Variants in CEP63 observed in about 807,000 individuals in gnomAD.
CEP63 encodes the protein centrosomal protein of 63 kDa.
A neutral mutation model predicts 89.1 loss-of-function variants in CEP63; 84 were observed. The observed-to-expected ratio is 0.94, with a 90% CI of 0.79 to 1.13. CEP63 has a LOEUF of 1.13. Among genes scored for constraint, CEP63 ranks in the 50% most tolerant of loss-of-function variants. The pLI, the probability that CEP63 is intolerant of heterozygous loss-of-function variation, is 0.00. For missense variants in CEP63, 838 were observed against 813.3 expected, an observed-to-expected ratio of 1.03 and a Z score of -0.37; for synonymous variants, 267 against 272.5, an observed-to-expected ratio of 0.98 and a Z score of 0.20.
At chr3:134,708,586 T>G in the CEP63 span, among the ~76,000 whole-genome samples, 6 of 152,366 alleles carry the variant, frequency 3.9e-5, no homozygotes, top group Admixed American at 3.3e-4. Context: ...TTTCTCCATA[T>G]TGTACTTCGT....
chr3:134,615,744 G>C, the CEP63 span, among the ~76,000 whole-genome samples: 1 of 152,198 alleles, frequency 6.6e-6, no homozygotes, highest in Non-Finnish European at 1.5e-5. Flanking sequence ...GTTATCCAAT[G>C]AATCTGCATC....
intron 9 of CEP63, among the ~76,000 whole-genome samples, 155 bp from the exon 10 acceptor site, chr3:134,548,907 A>G (rs1034056822): frequency 1.3e-5 from 2 of 152,054 alleles, no homozygotes; most frequent in African/African-American, 2.4e-5. Flanking sequence ...CAGTTTTTTT[A>G]TTGATTGGCT....
the CEP63 span, among the ~76,000 whole-genome samples, chr3:134,610,905 G>A: frequency 6.6e-6 from 1 of 152,214 alleles, no homozygotes; most frequent in African/African-American, 2.4e-5. Context: ...TGCTGGTTGT[G>A]AGGGTACAGA....
the CEP63 span, among the ~76,000 whole-genome samples, chr3:134,663,105 A>T: frequency 6.6e-6 from 1 of 152,176 alleles, no homozygotes; most frequent in Non-Finnish European, 1.5e-5. Flanking sequence ...CTCACTGCTA[A>T]TGCTTCAGCC....
At chr3:134,578,682 T>C (rs1958276695), downstream of CEP63, among the ~76,000 whole-genome samples, 1 of 152,212 alleles carries the variant, frequency 6.6e-6, no homozygotes. Context: ...TGAGCTTTTT[T>C]TCATGTTTGC....
intron 8 of CEP63, 112 bp from the exon 9 acceptor site, chr3:134,547,223 T>C: frequency 1.1e-6 from 1 of 938,476 alleles, no homozygotes. Flanking sequence ...GGAGACAAAC[T>C]TGAAGAGTTC....
At chr3:134,758,257 T>C in the CEP63 span, among the ~76,000 whole-genome samples, 4 of 152,224 alleles carry the variant, frequency 2.6e-5, no homozygotes, top group Non-Finnish European at 5.9e-5. Flanking sequence ...ACAGTACATA[T>C]GCAGTAAATA....
At chr3:134,695,476 T>C in the CEP63 span, among the ~76,000 whole-genome samples, 1 of 152,156 alleles carries the variant, frequency 6.6e-6, no homozygotes, top group Non-Finnish European at 1.5e-5. Flanking sequence ...CTTCCTTGCA[T>C]CAGAGACCCG....
At chr3:134,584,974 T>TTTTTTTTTTTTTTTTTTTTGG (rs1958451757) in intron 10 of CEP63, among the ~76,000 whole-genome samples, 1 of 149,470 alleles carries the variant, frequency 6.7e-6, no homozygotes, top group Admixed American at 6.7e-5. Context: ...TTTTTTTTTT[T>TTTTTTTTTTTTTTTTTTTTGG]GCATGGAGGT....
At chr3:134,730,004 G>A in the CEP63 span, among the ~76,000 whole-genome samples, 2 of 152,186 alleles carry the variant, frequency 1.3e-5, no homozygotes, top group Non-Finnish European at 2.9e-5. Context: ...AGGAGAGCAC[G>A]CATTTCTAAC....
the CEP63 span, among the ~76,000 whole-genome samples, chr3:134,772,755 A>C: frequency 6.6e-6 from 1 of 152,232 alleles, no homozygotes; most frequent in African/African-American, 2.4e-5. Context: ...TTGCAGGACA[A>C]GCCTGCAAGC....
chr3:134,604,136 C>T, the CEP63 span: 7 of 1,607,882 alleles, frequency 4.4e-6, no homozygotes, highest in African/African-American at 2.7e-5. Flanking sequence ...CAGCGCCCGT[C>T]GCTGGTGTGG....
At chr3:134,494,793 T>G (rs1939169994) in intron 1 of CEP63, among the ~76,000 whole-genome samples, 1 of 152,204 alleles carries the variant, frequency 6.6e-6, no homozygotes. Flanking sequence ...GGATGTTGCA[T>G]GCAGGAAGCT....
intron 5 of CEP63, 110 bp from the exon 6 acceptor site, chr3:134,537,045 G>C: frequency 1.3e-6 from 1 of 766,450 alleles, no homozygotes; most frequent in South Asian, 1.4e-5. Context: ...GTGGAGAAAG[G>C]TGCAAGCGTA....
chr3:134,691,806 G>A, the CEP63 span, among the ~76,000 whole-genome samples: 1 of 151,486 alleles, frequency 6.6e-6, no homozygotes, highest in Non-Finnish European at 1.5e-5. Context: ...TGCAACCTCT[G>A]CCTCCCGGGT....
chr3:134,576,883 T>TCTCAGGAAAAGCTGGCTG (rs1240781179), downstream of CEP63, among the ~76,000 whole-genome samples: 1 of 152,198 alleles, frequency 6.6e-6, no homozygotes, highest in African/African-American at 2.4e-5. Flanking sequence ...TTCACGGGCT[T>TCTCAGGAAAAGCTGGCTG]CTCAGGAAAA....
At chr3:134,737,516 A>C in the CEP63 span, among the ~76,000 whole-genome samples, 1 of 152,268 alleles carries the variant, frequency 6.6e-6, no homozygotes, top group Non-Finnish European at 1.5e-5. Context: ...GCAAGTGGTC[A>C]ATGCATGTAC....
the CEP63 span, among the ~76,000 whole-genome samples, chr3:134,767,380 A>G: frequency 2.0e-5 from 3 of 152,120 alleles, no homozygotes; most frequent in African/African-American, 4.8e-5. Flanking sequence ...TATTATAGAC[A>G]TTTACAATCA....
chr3:134,556,249 G>C (rs2110039429), intron 12 of CEP63, among the ~76,000 whole-genome samples: 1 of 151,910 alleles, frequency 6.6e-6, no homozygotes, highest in Non-Finnish European at 1.5e-5. Flanking sequence ...AAAAGCAATG[G>C]CAACAAAAGC....
Sources: allele counts gnomAD v4.1 joint callset (sites outside exome capture counted in the v4.1 genomes callset), GRCh38; gene constraint gnomAD v4.1.1; transcripts MANE v1.5; gene names NCBI Gene and HGNC (gene_info 2026-07-23, HGNC 2026-07-21).